Variants in SUCLG2 observed in about 807,000 individuals in gnomAD.
SUCLG2 encodes the protein succinate--CoA ligase [GDP-forming] subunit beta, mitochondrial.
In SUCLG2, 42 loss-of-function variants were observed where a neutral mutation model predicts 47.9. That is an observed-to-expected ratio of 0.88 (90% CI 0.69 to 1.14). The LOEUF is 1.14. Among genes scored for constraint, SUCLG2 ranks in the 50% most tolerant of loss-of-function variants. SUCLG2 has a pLI of 0.00. For synonymous variants in SUCLG2, 195 were observed against 197.3 expected (o/e 0.99, Z 0.10); for missense variants, 571 against 525.9 (o/e 1.09, Z -0.84).
chr3:67,476,262 T>C (rs115597045), intron 9 of SUCLG2, among the ~76,000 whole-genome samples: 7,772 of 151,960 alleles, frequency 0.051, 397 homozygotes, highest in Admixed American at 0.18. Flanking sequence ...CGAAGCTTCA[T>C]CTGTATGTAC....
intron 9 of SUCLG2, among the ~76,000 whole-genome samples, chr3:67,483,109 T>G (rs1234631653): frequency 2.0e-5 from 3 of 152,178 alleles, no homozygotes; most frequent in Non-Finnish European, 4.4e-5. Context: ...TGAAGCATTC[T>G]CAGGAGAGGT....
Position 67,529,203 on chromosome 3 carries a change from C to T in SUCLG2, c.227-17G>A. On this transcript the variant is annotated splice_polypyrimidine_tract_variant and intron_variant, in intron 2 of 10. Coordinates refer to ENST00000307227, the MANE Select transcript of SUCLG2 (RefSeq NM_003848.4). The stretch of plus-strand genomic sequence containing the variant: ...CTTTTGCATCTGAAAAAGAAAAATC[C>T]AGAGTTGGTAGCTGATTTTAAATTC... 1 of 1,590,408 alleles carries T rather than the reference C, an allele frequency of 6.3e-7. No individual in the cohort carries two copies. Among genetic ancestry groups the T allele is most frequent in the South Asian group, 1.1e-5 (1 of 87,734 alleles).
At chr3:67,379,875 C>A (rs1364457101) in intron 10 of SUCLG2, among the ~76,000 whole-genome samples, 3 of 152,228 alleles carry the variant, frequency 2.0e-5, no homozygotes, top group Non-Finnish European at 4.4e-5. Context: ...TTTCTAAAAT[C>A]TTACCATGGA....
At position 67,498,120 on chromosome 3, in the gene SUCLG2, T is replaced by C. The variant is rs1465827143; in HGVS notation, c.919+14A>G. The stretch of plus-strand genomic sequence containing the variant: ...GAATCCACAAAGCATTCTTTTGATA[T>C]AACTGCTTCTTACCAAAGCAGGCAA... On this transcript the variant is annotated intron_variant, in intron 8 of 10. Coordinates refer to ENST00000307227, the MANE Select transcript of SUCLG2 (RefSeq NM_003848.4). The C allele has an allele frequency of 5.6e-6, 9 of 1,595,374 alleles. No individual in the cohort carries two copies. The South Asian group carries it at 7.9e-5, about 14-fold the overall frequency.
intron 9 of SUCLG2, among the ~76,000 whole-genome samples, chr3:67,461,031 T>C (rs1244434582): frequency 6.6e-6 from 1 of 152,154 alleles, no homozygotes; most frequent in Non-Finnish European, 1.5e-5. Context: ...CCCAGTGTAC[T>C]CTCTGACCCA....
chr3:67,573,736 G>A lies in SUCLG2; in HGVS notation c.226+35719C>T, dbSNP rs546062857. On this transcript the variant is annotated intron_variant, in intron 2 of 10. Transcript: ENST00000307227. ...GGATTCAAACGGCCTGGTGGGAAGCGCTCTATCAGGGACTTGGCCTGGTGA... is the reference window on the plus strand; with the variant it reads ...GGATTCAAACGGCCTGGTGGGAAGCACTCTATCAGGGACTTGGCCTGGTGA... Among the ~76,000 whole-genome samples, 6 of 152,170 alleles carry A rather than the reference G, an allele frequency of 3.9e-5. No homozygotes were observed. The East Asian group carries it at 9.7e-4, about 25-fold the overall frequency.
At chr3:67,631,913 A>T (rs1700932735) in intron 1 of SUCLG2, among the ~76,000 whole-genome samples, 1 of 152,212 alleles carries the variant, frequency 6.6e-6, no homozygotes, top group Admixed American at 6.5e-5. Flanking sequence ...ATGACCCTCG[A>T]TCTAAAACTG....
At position 67,651,734 on chromosome 3, in the gene SUCLG2, T is replaced by C. The variant is rs912997750; in HGVS notation, c.84+2769A>G. 2.6e-5 allele frequency among the ~76,000 whole-genome samples: 4 copies of C among 152,214 alleles called. No homozygotes were observed. The East Asian group carries it at 7.7e-4, about 29-fold the overall frequency. On this transcript the variant is annotated intron_variant, in intron 1 of 10. Transcript: ENST00000307227. The stretch of plus-strand genomic sequence containing the variant: ...GAAAATTCATCAAGTTGTTCATTTG[T>C]AATTGTTCATTTTTCAGTATGTCTT...
intron 9 of SUCLG2, among the ~76,000 whole-genome samples, chr3:67,471,773 C>T (rs983613600): frequency 6.6e-6 from 1 of 152,138 alleles, no homozygotes; most frequent in Non-Finnish European, 1.5e-5. Flanking sequence ...GGCTCTGGAT[C>T]TCTTAACCAA....
intron 1 of SUCLG2, among the ~76,000 whole-genome samples, chr3:67,644,100 TGAAAATGTAGCCCAAGCTACATATG>T (rs1228494465): frequency 1.1e-4 from 16 of 152,212 alleles, no homozygotes; most frequent in African/African-American, 3.4e-4. Context: ...CATGGGAAAC[TGAAAATGTAGCCCAAGCTACATATG>T]ATACAACATT....
chr3:67,645,738 A>T (rs1394511795), intron 1 of SUCLG2, among the ~76,000 whole-genome samples: 2 of 151,812 alleles, frequency 1.3e-5, no homozygotes, highest in Non-Finnish European at 2.9e-5. Flanking sequence ...TCTATTACTT[A>T]TTAAAGGCCC....
chr3:67,529,265 G>A, intron 2 of SUCLG2, 79 bp from the exon 3 acceptor site: 5 of 1,055,142 alleles, frequency 4.7e-6, no homozygotes, highest in Admixed American at 2.3e-5. Flanking sequence ...AAGCAATAAT[G>A]GCACATAACT....
At chr3:67,387,250 G>GA (rs1324861270) in intron 10 of SUCLG2, among the ~76,000 whole-genome samples, 4 of 151,912 alleles carry the variant, frequency 2.6e-5, no homozygotes, top group Non-Finnish European at 5.9e-5. Flanking sequence ...AAGCTACAAT[G>GA]AAAAAAAATT....
intron 2 of SUCLG2, among the ~76,000 whole-genome samples, chr3:67,607,225 C>A (rs6772356): frequency 0.013 from 1,988 of 152,046 alleles, 54 homozygotes; most frequent in African/African-American, 0.044. Context: ...CTAGCCACAT[C>A]AGTCTCTTGA....
At chr3:67,562,391 C>G (rs1383273900) in intron 2 of SUCLG2, among the ~76,000 whole-genome samples, 2 of 152,084 alleles carry the variant, frequency 1.3e-5, no homozygotes, top group African/African-American at 4.8e-5. Context: ...GATTCTCCTG[C>G]CTCAGCTTCC....
At chr3:67,569,696 T>A (rs1375218243) in intron 2 of SUCLG2, among the ~76,000 whole-genome samples, 1 of 152,208 alleles carries the variant, frequency 6.6e-6, no homozygotes, top group Non-Finnish European at 1.5e-5. Flanking sequence ...CTTGTCTGGT[T>A]TCACAAATTC....
At chr3:67,501,405 T>C (rs1478130192) in intron 7 of SUCLG2, among the ~76,000 whole-genome samples, 1 of 152,164 alleles carries the variant, frequency 6.6e-6, no homozygotes, top group Non-Finnish European at 1.5e-5. Flanking sequence ...ATAATAAATA[T>C]ATTATTTTGG....
chr3:67,554,908 T>C (rs1408467635), intron 2 of SUCLG2, among the ~76,000 whole-genome samples: 6 of 151,736 alleles, frequency 4.0e-5, no homozygotes, highest in Non-Finnish European at 7.4e-5. Flanking sequence ...TGCTGAGGGG[T>C]AGAAGAAGTG....
chr3:67,509,700 T>G (rs1299264216), intron 6 of SUCLG2, among the ~76,000 whole-genome samples: 1 of 152,248 alleles, frequency 6.6e-6, no homozygotes, highest in Non-Finnish European at 1.5e-5. Context: ...GAGCATGTGA[T>G]GCACAGAGCA....
Sources: gnomAD v4.1 joint callset for allele counts (sites outside exome capture counted in the v4.1 genomes callset) on GRCh38, gnomAD v4.1.1 for gene constraint, MANE v1.5 for transcripts, NCBI Gene and HGNC (gene_info 2026-07-23, HGNC 2026-07-21) for gene names.